The following DTNB variants were observed in gnomAD, a reference collection of about 807,000 sequenced individuals.
The protein encoded by DTNB is dystrobrevin beta.
Under a neutral mutation model 90.7 loss-of-function variants are expected in DTNB, and 63 were observed. The ratio of observed to expected loss-of-function variants is 0.69; its 90% CI spans 0.57 to 0.86. DTNB has a LOEUF of 0.86. Among genes scored for constraint, DTNB ranks in the 40% least tolerant of loss-of-function variants. DTNB has a pLI of 0.00. For missense variants in DTNB, 744 were observed against 807.1 expected (o/e 0.92, Z 0.95); for synonymous variants, 277 against 286.7 (o/e 0.97, Z 0.34).
intron 12 of DTNB, among the ~76,000 whole-genome samples, chr2:25,439,527 G>A (rs1343626303): frequency 6.6e-6 from 1 of 152,016 alleles, no homozygotes; most frequent in Non-Finnish European, 1.5e-5. Context: ...GAAACTGGGT[G>A]TAGATTATAG....
chr2:25,412,768 T>A (rs987112494), intron 16 of DTNB, among the ~76,000 whole-genome samples: 1 of 152,210 alleles, frequency 6.6e-6, no homozygotes, highest in African/African-American at 2.4e-5. Context: ...TATGGTGCAC[T>A]GAGTCACTGG....
At chr2:25,627,954 T>C (rs1017884585) in intron 4 of DTNB, among the ~76,000 whole-genome samples, 5 of 152,084 alleles carry the variant, frequency 3.3e-5, no homozygotes, top group Non-Finnish European at 5.9e-5. Flanking sequence ...GCCGGGATGG[T>C]CTCCATCTCC....
At chr2:25,406,154 A>G (rs754694470) in intron 16 of DTNB, among the ~76,000 whole-genome samples, 2 of 152,078 alleles carry the variant, frequency 1.3e-5, no homozygotes, top group Non-Finnish European at 2.9e-5. Context: ...GCCAAACCTC[A>G]GAATAAGGGG....
At chr2:25,441,149 G>A (rs1356925777) in intron 12 of DTNB, among the ~76,000 whole-genome samples, 2 of 152,124 alleles carry the variant, frequency 1.3e-5, no homozygotes, top group African/African-American at 2.4e-5. Flanking sequence ...TTCTTTGAAC[G>A]TTTTCTGGGA....
chr2:25,558,012 T>G (rs1324743225), intron 8 of DTNB, among the ~76,000 whole-genome samples: 1 of 151,524 alleles, frequency 6.6e-6, no homozygotes, highest in African/African-American at 2.4e-5. Context: ...TGGGGTGGAG[T>G]GAGGGGCATG....
At chr2:25,645,846 A>G (rs568443396) in intron 2 of DTNB, among the ~76,000 whole-genome samples, 2 of 152,340 alleles carry the variant, frequency 1.3e-5, no homozygotes, top group South Asian at 4.1e-4. Context: ...TTGATAAGCT[A>G]TATTTTAATT....
chr2:25,509,098 T>C (rs1038993805), intron 9 of DTNB, among the ~76,000 whole-genome samples: 6 of 152,222 alleles, frequency 3.9e-5, no homozygotes, highest in Admixed American at 6.5e-5. Flanking sequence ...AATCACGTCA[T>C]CTATGAATAA....
At chr2:25,632,562 T>C (rs1406964629) in intron 3 of DTNB, among the ~76,000 whole-genome samples, 1 of 152,158 alleles carries the variant, frequency 6.6e-6, no homozygotes, top group Non-Finnish European at 1.5e-5. Flanking sequence ...TAATGAGTTA[T>C]CATGGGAGTA....
In DTNB at chr2:25,650,125, C is replaced by A. The variant is rs138289362; in HGVS notation, c.67+2469G>T. 1.5e-4 allele frequency: 152 copies of A among 985,472 alleles called. No individual in the cohort carries two copies. In the African/African-American group the frequency reaches 2.3e-3, roughly 15 times the overall value. 61.0% of individuals were successfully genotyped at this position (985,472 alleles called of 1,614,324 possible). On this transcript the variant is annotated intron_variant, in intron 2 of 20. Transcript: ENST00000406818. The stretch of plus-strand genomic sequence containing the variant: ...CATTCACAAAGAAGTAAACCCAGTT[C>A]TTGGCAGGACTACTTCAGATCTCTA...
intron 8 of DTNB, among the ~76,000 whole-genome samples, chr2:25,542,706 T>C (rs1363464391): frequency 6.6e-6 from 1 of 152,228 alleles, no homozygotes; most frequent in Non-Finnish European, 1.5e-5. Context: ...ATAATTATGT[T>C]ATTATTTGGG....
intron 2 of DTNB, among the ~76,000 whole-genome samples, chr2:25,645,025 C>T (rs1382671697): frequency 1.3e-5 from 2 of 152,048 alleles, no homozygotes; most frequent in African/African-American, 2.4e-5. Context: ...CCTTTGTCCA[C>T]CTTGATTTAG....
rs377381873 is a variant in DTNB, at chr2:25,602,670, C to T, written c.448+4566G>A. 3.3e-4 allele frequency among the ~76,000 whole-genome samples: 51 copies of T among 152,282 alleles called. 1 individual carries two copies. The South Asian group carries it at 9.5e-3, about 28-fold the overall frequency. ...GAATCTCAGGTCATCTTTTCTCTGACTGCTGATAGTGTGGTCTATCAAAAA... is the reference window on the plus strand; with the variant it reads ...GAATCTCAGGTCATCTTTTCTCTGATTGCTGATAGTGTGGTCTATCAAAAA... On this transcript the variant is annotated intron_variant, in intron 5 of 20. Transcript: ENST00000406818.
chr2:25,538,003 G>A lies in DTNB; in HGVS notation c.877-6406C>T, dbSNP rs139319860. ...GTGAAATATTCTCTAAATACTCTTA[G>A]GCAATGATTTTAAATACCGTAATCC... On this transcript the variant is annotated intron_variant, in intron 8 of 20. Transcript: ENST00000406818. Among the ~76,000 whole-genome samples the A allele has an allele frequency of 3.3e-3, 499 of 152,194 alleles. 1 individual carries two copies. Among genetic ancestry groups the A allele is most frequent in the African/African-American group, 0.011 (469 of 41,512 alleles).
At chr2:25,662,786 A>G (rs2083523340) in intron 1 of DTNB, among the ~76,000 whole-genome samples, 1 of 152,120 alleles carries the variant, frequency 6.6e-6, no homozygotes, top group Non-Finnish European at 1.5e-5. Flanking sequence ...TGGAAACAGA[A>G]TTATGACCGC....
intron 16 of DTNB, among the ~76,000 whole-genome samples, chr2:25,408,559 A>AAAAAAAAAC (rs2045859865): frequency 6.6e-6 from 1 of 150,828 alleles, no homozygotes. Context: ...AAAAAAAAAA[A>AAAAAAAAAC]AAAAGCACCA....
chr2:25,398,541 G>A (rs2042952673), intron 16 of DTNB, among the ~76,000 whole-genome samples: 1 of 152,198 alleles, frequency 6.6e-6, no homozygotes, highest in Non-Finnish European at 1.5e-5. Context: ...CCAGGCCTGA[G>A]GCTAAGGGTT....
intron 15 of DTNB, among the ~76,000 whole-genome samples, chr2:25,423,860 A>G (rs1445045036): frequency 6.6e-6 from 1 of 152,002 alleles, no homozygotes; most frequent in African/African-American, 2.4e-5. Flanking sequence ...GGGCTTCACC[A>G]CTTTGGCCAG....
At chr2:25,633,595 G>C (rs1034172709) in intron 3 of DTNB, among the ~76,000 whole-genome samples, 18 of 152,100 alleles carry the variant, frequency 1.2e-4, no homozygotes, top group Non-Finnish European at 2.2e-4. Flanking sequence ...CCCCGTCTGG[G>C]AAGTGAGGAG....
chr2:25,435,721 T>C (rs1308877683), intron 12 of DTNB, among the ~76,000 whole-genome samples: 1 of 152,220 alleles, frequency 6.6e-6, no homozygotes, highest in African/African-American at 2.4e-5. Flanking sequence ...AGTTATGTTA[T>C]TATTTCTCTT....
Sources: gnomAD v4.1 joint callset for allele counts (sites outside exome capture counted in the v4.1 genomes callset) on GRCh38, gnomAD v4.1.1 for gene constraint, MANE v1.5 for transcripts, NCBI Gene and HGNC (gene_info 2026-07-23, HGNC 2026-07-21) for gene names.